KDM4B: variants seen among roughly 807,000 people sequenced by gnomAD.
KDM4B encodes lysine demethylase 4B.
A neutral mutation model predicts 125.2 loss-of-function variants in KDM4B; 32 were observed. The ratio of observed to expected loss-of-function variants is 0.26; its 90% CI spans 0.19 to 0.34. The LOEUF (loss-of-function observed/expected upper bound fraction) is 0.34, where lower values mean the gene tolerates loss of function less well. Among genes scored for constraint, KDM4B ranks in the 10% least tolerant of loss-of-function variants. KDM4B has a pLI of 1.00. For synonymous variants in KDM4B, 721 were observed against 677.9 expected, an observed-to-expected ratio of 1.06 and a Z score of -0.99; for missense variants, 1,190 against 1,577.7, an observed-to-expected ratio of 0.75 and a Z score of 4.16.
intron 9 of KDM4B, among the ~76,000 whole-genome samples, chr19:5,086,732 A>G (rs1183484017): frequency 2.0e-5 from 3 of 152,152 alleles, no homozygotes; most frequent in East Asian, 1.9e-4. Context: ...ACCTCGAGCC[A>G]GTGCAGCTCC....
intron 2 of KDM4B, among the ~76,000 whole-genome samples, chr19:5,020,218 T>G (rs2036067922): frequency 6.7e-6 from 1 of 149,360 alleles, no homozygotes; most frequent in Non-Finnish European, 1.5e-5. Flanking sequence ...GGTGTGCAGG[T>G]GTTAGTGTGC....
intron 6 of KDM4B, among the ~76,000 whole-genome samples, chr19:5,049,520 G>T (rs983835163): frequency 3.3e-5 from 5 of 151,906 alleles, no homozygotes; most frequent in Non-Finnish European, 7.4e-5. Context: ...GGCATGAGGG[G>T]CCTGAGAGGA....
chr19:5,118,117 G>A (rs1053070957), intron 10 of KDM4B, among the ~76,000 whole-genome samples: 9 of 152,138 alleles, frequency 5.9e-5, no homozygotes, highest in Non-Finnish European at 7.4e-5. Context: ...AGGTGAGGAG[G>A]TCCTGGTAAC....
chr19:5,092,558 G>A (rs569547446), intron 9 of KDM4B, among the ~76,000 whole-genome samples: 22 of 152,214 alleles, frequency 1.4e-4, no homozygotes, highest in African/African-American at 4.1e-4. Flanking sequence ...GGTGTGGCTC[G>A]AGGGCCTTTG....
chr19:5,150,321 G>A (rs1463736636), intron 21 of KDM4B, 37 bp from the exon 22 acceptor site: 3 of 1,525,116 alleles, frequency 2.0e-6, no homozygotes, highest in Non-Finnish European at 1.8e-6. Flanking sequence ...TGCCATCCTG[G>A]CAGTGCCAGG....
intron 4 of KDM4B, 34 bp downstream of exon 4, chr19:5,040,045 G>A (rs373383027): frequency 5.0e-5 from 79 of 1,575,306 alleles, no homozygotes; most frequent in Non-Finnish European, 6.4e-5. Flanking sequence ...CCTGACCCCC[G>A]CCCCCGGGGG....
intron 4 of KDM4B, 37 bp from the exon 5 acceptor site, chr19:5,041,100 C>T (rs2036801121): frequency 2.7e-6 from 4 of 1,461,750 alleles, no homozygotes; most frequent in Non-Finnish European, 2.9e-6. Flanking sequence ...GCACCCAGGC[C>T]TCACCCTGAG....
intron 6 of KDM4B, among the ~76,000 whole-genome samples, chr19:5,066,170 C>G (rs554107645): frequency 6.6e-6 from 1 of 152,384 alleles, no homozygotes; most frequent in South Asian, 2.1e-4. Flanking sequence ...GGCCCCCACT[C>G]TTGCCCAGTG....
intron 5 of KDM4B, among the ~76,000 whole-genome samples, chr19:5,042,270 G>A (rs2079678): frequency 0.33 from 49,972 of 152,114 alleles, 8,425 homozygotes; most frequent in Non-Finnish European, 0.36. Flanking sequence ...GGAGACTGAG[G>A]TGGGCAGATC....
intron 11 of KDM4B, among the ~76,000 whole-genome samples, chr19:5,125,242 C>T (rs112930230): frequency 5.3e-5 from 8 of 151,890 alleles, no homozygotes; most frequent in Admixed American, 2.6e-4. Flanking sequence ...AGCCCACTGA[C>T]GAGACAGCCA....
At chr19:5,102,397 G>T (rs2038954564) in intron 9 of KDM4B, among the ~76,000 whole-genome samples, 1 of 152,180 alleles carries the variant, frequency 6.6e-6, no homozygotes, top group Non-Finnish European at 1.5e-5. Flanking sequence ...TGCCTGGCAG[G>T]GAGTGGAGAC....
At chr19:4,969,261 T>G (rs1014777048) in intron 1 of KDM4B, 31 bp downstream of exon 1, 5 of 146,734 alleles carry the variant, frequency 3.4e-5, no homozygotes, top group African/African-American at 1.2e-4. Flanking sequence ...CCCGGCCGTG[T>G]CCGAGCGCGG....
At chr19:5,002,407 C>G (rs2035416344) in intron 1 of KDM4B, among the ~76,000 whole-genome samples, 1 of 92,658 alleles carries the variant, frequency 1.1e-5, no homozygotes, top group Non-Finnish European at 2.4e-5. Context: ...TTTCCTTTCT[C>G]TCTCCTTTCT....
intron 9 of KDM4B, among the ~76,000 whole-genome samples, chr19:5,091,840 C>G (rs1226407617): frequency 6.6e-6 from 1 of 152,214 alleles, no homozygotes; most frequent in Non-Finnish European, 1.5e-5. Flanking sequence ...CTGGCCTGTG[C>G]CCTGCCTTTG....
Position 5,082,239 on chromosome 19 carries a change from C to A in KDM4B, c.781-128C>A. The A allele has an allele frequency of 1.8e-6, 2 of 1,141,560 alleles. No individual in the cohort carries two copies. The highest frequency in any genetic ancestry group is 2.6e-5 in the East Asian group (1 of 38,440). The allele number at this position is 1,141,560 out of a possible 1,614,324, so 70.7% of individuals were successfully genotyped here. ...GGAGCCCCTGGAGCCGCTGGATCAC[C>A]TTTGACTTTGTGAAACCCCCTTGGC... On this transcript the variant is annotated intron_variant, in intron 8 of 22. Coordinates refer to ENST00000159111, the MANE Select transcript of KDM4B (RefSeq NM_015015.3). This position sits in a 1 kb window ranked among gnomAD's most constrained non-coding sequence, Gnocchi z 5.4.
intron 14 of KDM4B, among the ~76,000 whole-genome samples, chr19:5,134,502 G>T (rs1415567397): frequency 6.6e-6 from 1 of 152,188 alleles, no homozygotes; most frequent in Non-Finnish European, 1.5e-5. Flanking sequence ...TTCCATGCTG[G>T]CCTCGCCTGT....
At chr19:5,019,984 ATGT>A (rs1200329800) in intron 2 of KDM4B, among the ~76,000 whole-genome samples, 3 of 88,278 alleles carry the variant, frequency 3.4e-5, no homozygotes, top group Admixed American at 1.3e-4. Context: ...GTTGGTGTGG[ATGT>A]TGGTGTGCAG....
chr19:5,134,220 A>C (rs1406775895), intron 14 of KDM4B, among the ~76,000 whole-genome samples, 159 bp downstream of exon 14: 2 of 152,190 alleles, frequency 1.3e-5, no homozygotes, highest in Non-Finnish European at 2.9e-5. Context: ...CCGTAGGCAG[A>C]GCCTGGTCTC....
At chr19:5,117,752 C>T (rs1381755912) in intron 10 of KDM4B, among the ~76,000 whole-genome samples, 3 of 152,144 alleles carry the variant, frequency 2.0e-5, no homozygotes, top group African/African-American at 2.4e-5. Context: ...TCTGGCCCCA[C>T]GCCCGCCCCT....
Sources: allele counts gnomAD v4.1 joint callset (sites outside exome capture counted in the v4.1 genomes callset), GRCh38; gene constraint gnomAD v4.1.1; non-coding constraint Gnocchi (gnomAD v3.1); transcripts MANE v1.5; gene names NCBI Gene and HGNC (gene_info 2026-07-23, HGNC 2026-07-21).